DAPK2: variants seen among roughly 807,000 people sequenced by gnomAD.
DAPK2 encodes death associated protein kinase 2.
A neutral mutation model predicts 44.1 loss-of-function variants in DAPK2; 35 were observed. That is an observed-to-expected ratio of 0.79 (90% CI 0.61 to 1.05). DAPK2 has a LOEUF of 1.05. DAPK2 is among the 50% of genes least tolerant of loss of function. DAPK2 has a pLI of 0.00. For missense variants in DAPK2, 453 were observed against 483.2 expected (o/e 0.94, Z 0.59); for synonymous variants, 174 against 182.6 (o/e 0.95, Z 0.38).
intron 3 of DAPK2, among the ~76,000 whole-genome samples, chr15:63,970,798 A>G (rs2078191993): frequency 6.6e-6 from 1 of 152,214 alleles, no homozygotes; most frequent in Non-Finnish European, 1.5e-5. Flanking sequence ...TGATCCTTCT[A>G]CTTTGACCAC....
intron 4 of DAPK2, among the ~76,000 whole-genome samples, chr15:63,933,688 C>A (rs1186469220): frequency 6.6e-6 from 1 of 151,228 alleles, no homozygotes; most frequent in African/African-American, 2.4e-5. Context: ...TGACTCAACC[C>A]CCTAGGGTTA....
At chr15:63,951,111 G>A (rs1189208214) in intron 3 of DAPK2, among the ~76,000 whole-genome samples, 1 of 152,144 alleles carries the variant, frequency 6.6e-6, no homozygotes, top group African/African-American at 2.4e-5. Flanking sequence ...CAATTCTCAT[G>A]ACTTGTTATT....
At chr15:63,981,374 C>T (rs1464189708) in intron 2 of DAPK2, among the ~76,000 whole-genome samples, 1 of 152,038 alleles carries the variant, frequency 6.6e-6, no homozygotes, top group Non-Finnish European at 1.5e-5. Flanking sequence ...ATACCTTTTC[C>T]TTATAAATTA....
chr15:64,000,625 A>T (rs957833313), intron 1 of DAPK2, among the ~76,000 whole-genome samples: 1 of 152,140 alleles, frequency 6.6e-6, no homozygotes, highest in African/African-American at 2.4e-5. Flanking sequence ...AGGGGGAAAA[A>T]AATGAAATTT....
chr15:63,907,235 G>C (rs1167206023), exon 11 of DAPK2: 1 of 151,950 alleles, frequency 6.6e-6, no homozygotes, highest in Non-Finnish European at 1.5e-5. Context: ...TATTGCATCG[G>C]GGCCCATATC....
At chr15:63,943,635 G>A (rs1004729302) in intron 3 of DAPK2, among the ~76,000 whole-genome samples, 3 of 152,070 alleles carry the variant, frequency 2.0e-5, no homozygotes, top group Non-Finnish European at 2.9e-5. Context: ...CACTTTGGGA[G>A]GCTGAAGTAG....
chr15:63,926,088 C>T (rs1336825569), exon 7 of DAPK2: 1 of 1,607,668 alleles, frequency 6.2e-7, no homozygotes, highest in East Asian at 2.2e-5. Flanking sequence ...GGATGCTCCA[C>T]TTAAGCTGAG....
At chr15:63,920,196 C>T (rs1464404173) in intron 8 of DAPK2, 1 of 152,206 alleles carries the variant, frequency 6.6e-6, no homozygotes, top group East Asian at 1.9e-4. Context: ...GGCCACCCAG[C>T]CTCAGACTGT....
intron 1 of DAPK2, among the ~76,000 whole-genome samples, chr15:64,021,474 C>T (rs950142316): frequency 4.6e-5 from 7 of 152,184 alleles, no homozygotes; most frequent in African/African-American, 1.7e-4. Flanking sequence ...AAGCTCAGCG[C>T]CCTTGGGGCC....
intron 1 of DAPK2, among the ~76,000 whole-genome samples, chr15:64,017,530 C>T (rs1445485666): frequency 6.6e-6 from 1 of 152,216 alleles, no homozygotes; most frequent in Non-Finnish European, 1.5e-5. Context: ...AGGACACGGG[C>T]AGGTCCACAC....
Position 63,980,115 on chromosome 15 carries a change from C to A in DAPK2, c.314+3418G>T, listed in dbSNP as rs1352517803. On this transcript the variant is annotated intron_variant, in intron 2 of 10. Coordinates refer to ENST00000261891, the Ensembl canonical transcript of DAPK2. This position sits in a 1 kb window ranked among gnomAD's most constrained non-coding sequence, Gnocchi z 4.3. ...TTGGAAGTGAAGGGGGAGACAGAAA[C>A]GGGACAGAACTTAATAAGCACAGAG... is the stretch of plus-strand genomic sequence containing the variant. 2.0e-5 allele frequency among the ~76,000 whole-genome samples: 3 copies of A among 152,032 alleles called. No individual in the cohort carries two copies. Among genetic ancestry groups the A allele is most frequent in the Non-Finnish European group, 2.9e-5 (2 of 68,024 alleles).
chr15:63,979,109 C>T (rs1172409364), intron 2 of DAPK2, among the ~76,000 whole-genome samples: 2 of 152,178 alleles, frequency 1.3e-5, no homozygotes, highest in Non-Finnish European at 2.9e-5. Flanking sequence ...ATCAAGGAGG[C>T]CCCAGAGCAG....
Position 63,939,392 on chromosome 15 carries a change from G to T in DAPK2, c.454-31C>A. 1 of 1,502,306 alleles carries T rather than the reference G, an allele frequency of 6.7e-7. No homozygotes were observed. The highest frequency in any genetic ancestry group is 1.2e-5 in the South Asian group (1 of 81,328). 93.1% of individuals were successfully genotyped at this position (1,502,306 alleles called of 1,614,324 possible). On this transcript the variant is annotated intron_variant, in intron 3 of 10. Transcript: ENST00000261891. This position sits in a 1 kb window ranked among gnomAD's most constrained non-coding sequence, Gnocchi z 4.3. ...CAACAAAAAGTAGAAAAAAAAAAAA[G>T]GAAGGAAGAAAAGAAAAAAAAAGAC...
At chr15:64,034,820 T>C (rs1292773373) in intron 1 of DAPK2, among the ~76,000 whole-genome samples, 1 of 152,242 alleles carries the variant, frequency 6.6e-6, no homozygotes, top group African/African-American at 2.4e-5. Flanking sequence ...TAAATTTTTG[T>C]TGAAATCCAG....
At chr15:63,991,967 G>A (rs1395408118) in intron 1 of DAPK2, among the ~76,000 whole-genome samples, 2 of 152,116 alleles carry the variant, frequency 1.3e-5, no homozygotes, top group Admixed American at 1.3e-4. Flanking sequence ...AGGCTGGCTT[G>A]TTTCATTCCC....
chr15:63,962,352 G>A (rs183587793), intron 3 of DAPK2, among the ~76,000 whole-genome samples: 2 of 152,212 alleles, frequency 1.3e-5, no homozygotes, highest in African/African-American at 4.8e-5. Flanking sequence ...CTCTCAACTT[G>A]TCAAAGTCAT....
chr15:64,044,995 C>T (rs12912128), upstream of DAPK2, among the ~76,000 whole-genome samples: 111,812 of 152,098 alleles, frequency 0.74, 42,497 homozygotes, highest in East Asian at 0.92. Context: ...TCACAGTCTC[C>T]AATGAGGAAG....
At chr15:63,968,472 C>A (rs1486099712) in intron 3 of DAPK2, among the ~76,000 whole-genome samples, 2 of 152,216 alleles carry the variant, frequency 1.3e-5, no homozygotes, top group Admixed American at 6.5e-5. Flanking sequence ...ACCTAGCAAC[C>A]AACTCAGCTC....
At chr15:63,970,748 C>T (rs186197457) in intron 3 of DAPK2, among the ~76,000 whole-genome samples, 8 of 152,320 alleles carry the variant, frequency 5.3e-5, no homozygotes, top group African/African-American at 1.9e-4. Context: ...TCTGTATAGG[C>T]TCATCAGTCT....
Sources: gnomAD v4.1 joint callset for allele counts (sites outside exome capture counted in the v4.1 genomes callset) on GRCh38, gnomAD v4.1.1 for gene constraint, Gnocchi (gnomAD v3.1) non-coding constraint, MANE v1.5 for transcripts, NCBI Gene and HGNC (gene_info 2026-07-23, HGNC 2026-07-21) for gene names.